CEP112: variants seen among roughly 807,000 people sequenced by gnomAD.
The protein encoded by CEP112 is centrosomal protein of 112 kDa.
Under a neutral mutation model 153.0 loss-of-function variants are expected in CEP112, and 127 were observed. The observed-to-expected ratio is 0.83, with a 90% CI of 0.72 to 0.96. The LOEUF (loss-of-function observed/expected upper bound fraction) is 0.96, where lower values mean the gene tolerates loss of function less well. Among genes scored for constraint, CEP112 ranks in the 40% least tolerant of loss-of-function variants. The pLI is 0.00. For synonymous variants in CEP112, 358 were observed against 374.4 expected, an observed-to-expected ratio of 0.96 and a Z score of 0.51; for missense variants, 1,089 against 1,101.2, an observed-to-expected ratio of 0.99 and a Z score of 0.16.
intron 21 of CEP112, among the ~76,000 whole-genome samples, chr17:65,781,709 A>C (rs1411372020): frequency 1.3e-5 from 2 of 152,346 alleles, no homozygotes; most frequent in South Asian, 2.1e-4. Flanking sequence ...GCACATCTGC[A>C]GCCATCTAAT....
chr17:65,744,849 C>T (rs138671017), intron 22 of CEP112, among the ~76,000 whole-genome samples: 174 of 152,222 alleles, frequency 1.1e-3, no homozygotes, highest in African/African-American at 4.0e-3. Flanking sequence ...TTTTTAAAAG[C>T]AGGAAATAGT....
chr17:65,743,489 A>G (rs534906810), intron 22 of CEP112, among the ~76,000 whole-genome samples: 1 of 152,360 alleles, frequency 6.6e-6, no homozygotes, highest in South Asian at 2.1e-4. Context: ...CAGAAGAAAG[A>G]ACATCTGTGA....
At chr17:65,991,152 C>T (rs1284758186) in intron 17 of CEP112, among the ~76,000 whole-genome samples, 3 of 152,200 alleles carry the variant, frequency 2.0e-5, no homozygotes, top group Admixed American at 6.5e-5. Flanking sequence ...TGAGTGGCCA[C>T]GACAAAGAAT....
At chr17:65,757,029 G>A (rs941935409) in intron 21 of CEP112, among the ~76,000 whole-genome samples, 10 of 152,118 alleles carry the variant, frequency 6.6e-5, no homozygotes, top group Admixed American at 2.0e-4. Flanking sequence ...CAACAGGATA[G>A]GTGTCATTAT....
In CEP112 at chr17:65,668,115, C is replaced by T. The variant is rs139662775; in HGVS notation, c.2697+21014G>A. Among the ~76,000 whole-genome samples, 257 of 152,206 alleles carry T rather than the reference C, an allele frequency of 1.7e-3. 1 individual carries two copies. The highest frequency in any genetic ancestry group is 0.013 in the Admixed American group (196 of 15,296). On this transcript the variant is annotated intron_variant, in intron 24 of 26. Transcript: ENST00000535342. ...TTCGCCATGTTGGCCAGGCTGGTCTCGAACTCCTGACCTCAAGTGATCCGC... is the reference window on the plus strand; with the variant it reads ...TTCGCCATGTTGGCCAGGCTGGTCTTGAACTCCTGACCTCAAGTGATCCGC...
chr17:65,930,925 T>G (rs979004462), intron 18 of CEP112, among the ~76,000 whole-genome samples: 7 of 152,194 alleles, frequency 4.6e-5, no homozygotes, highest in African/African-American at 1.7e-4. Context: ...AGGTGTTCTT[T>G]AATCCCACTA....
intron 6 of CEP112, among the ~76,000 whole-genome samples, chr17:66,098,167 T>C (rs1006689098): frequency 6.6e-6 from 1 of 152,206 alleles, no homozygotes; most frequent in Admixed American, 6.5e-5. Context: ...TTTCTGTACC[T>C]CGCTTCCATT....
chr17:65,735,023 T>A (rs1377133899), intron 23 of CEP112, among the ~76,000 whole-genome samples: 2 of 152,208 alleles, frequency 1.3e-5, no homozygotes, highest in Non-Finnish European at 2.9e-5. Flanking sequence ...CAAATGTTGA[T>A]ACACTTCATT....
At chr17:66,103,915 C>A (rs2068670355) in intron 6 of CEP112, among the ~76,000 whole-genome samples, 1 of 152,166 alleles carries the variant, frequency 6.6e-6, no homozygotes, top group Non-Finnish European at 1.5e-5. Context: ...TCAGCTTGCA[C>A]CCACAGAGGA....
intron 24 of CEP112, among the ~76,000 whole-genome samples, chr17:65,646,194 A>G (rs2045423884): frequency 6.6e-6 from 1 of 152,172 alleles, no homozygotes; most frequent in African/African-American, 2.4e-5. Flanking sequence ...TCCTTCCATC[A>G]CTTTTCAAAT....
At chr17:65,893,815 A>C (rs761756765) in intron 20 of CEP112, among the ~76,000 whole-genome samples, 19 of 152,108 alleles carry the variant, frequency 1.2e-4, no homozygotes, top group Admixed American at 4.6e-4. Flanking sequence ...TCAGGTGTTA[A>C]ATATCTTTCA....
rs371474726 is a variant in CEP112 at position 66,046,675 on chromosome 17, T to C, written c.1218+7061A>G. ...GAGTGTGGCCTTATTTGGTTGGAAA[T>C]AGTGTCTTTGCAGATGTAAGCAAGT... On this transcript the variant is annotated intron_variant, in intron 12 of 26. Coordinates refer to ENST00000535342, the MANE Select transcript of CEP112 (RefSeq NM_001199165.4). 3.3e-5 allele frequency among the ~76,000 whole-genome samples: 5 copies of C among 152,248 alleles called. No individual in the cohort carries two copies. The South Asian group carries it at 6.2e-4, about 19-fold the overall frequency.
intron 6 of CEP112, among the ~76,000 whole-genome samples, chr17:66,104,077 A>T (rs564778625): frequency 2.0e-5 from 3 of 152,300 alleles, no homozygotes; most frequent in African/African-American, 7.2e-5. Context: ...TGCAAGTCCT[A>T]GGCAATCTCT....
intron 20 of CEP112, among the ~76,000 whole-genome samples, chr17:65,889,522 C>G (rs970356312): frequency 1.3e-5 from 2 of 152,024 alleles, no homozygotes; most frequent in African/African-American, 4.8e-5. Flanking sequence ...CTTGACCTAC[C>G]TTCCCACTTT....
At chr17:65,766,641 C>T (rs1313218165) in intron 21 of CEP112, among the ~76,000 whole-genome samples, 1 of 150,862 alleles carries the variant, frequency 6.6e-6, no homozygotes, top group Non-Finnish European at 1.5e-5. Flanking sequence ...GAGAGACCCA[C>T]ATTAGCCTTA....
In CEP112 at chr17:66,158,387, C is replaced by T. The variant is rs545235849; in HGVS notation, c.470+16657G>A. On this transcript the variant is annotated intron_variant, in intron 4 of 26. Transcript: ENST00000535342. ...CAGCACTTTGGGAGGCCGAGGGAGG[C>T]GGATCATGAGGTCAGGAGATCGAGA... 2.4e-4 allele frequency among the ~76,000 whole-genome samples: 36 copies of T among 152,130 alleles called. No individual in the cohort carries two copies. In the South Asian group the frequency reaches 6.7e-3, roughly 28 times the overall value.
chr17:66,069,375 G>GA lies in CEP112; in HGVS notation c.855+539dup, dbSNP rs1026848013. ...TAACAATTTTTGCTGTGCCAGCTAA[G>GA]AAAAAAAAATAAGTTTTATTTGAAA... On this transcript the variant is annotated intron_variant, in intron 9 of 26. Transcript: ENST00000535342. Among the ~76,000 whole-genome samples, 6 of 148,968 alleles carry GA rather than the reference G, an allele frequency of 4.0e-5. No homozygotes were observed. The South Asian group carries it at 6.3e-4, about 16-fold the overall frequency.
chr17:65,780,037 T>A (rs1022678314), intron 21 of CEP112, among the ~76,000 whole-genome samples: 1 of 152,140 alleles, frequency 6.6e-6, no homozygotes, highest in African/African-American at 2.4e-5. Flanking sequence ...AATATGTCTA[T>A]TGGTACTGGA....
intron 4 of CEP112, among the ~76,000 whole-genome samples, chr17:66,138,831 A>G (rs755117254): frequency 6.6e-6 from 1 of 152,190 alleles, no homozygotes; most frequent in Non-Finnish European, 1.5e-5. Flanking sequence ...AAAATGACTT[A>G]TTAAGTCCAC....
Sources: gnomAD v4.1 joint callset for allele counts (sites outside exome capture counted in the v4.1 genomes callset) on GRCh38, gnomAD v4.1.1 for gene constraint, MANE v1.5 for transcripts, NCBI Gene and HGNC (gene_info 2026-07-23, HGNC 2026-07-21) for gene names.